The following C1orf146 variants were observed in gnomAD, a reference collection of about 807,000 sequenced individuals.
The protein encoded by C1orf146 is chromosome 1 open reading frame 146, also known as protein SPO16 homolog.
A neutral mutation model predicts 23.0 loss-of-function variants in C1orf146; 22 were observed. The observed-to-expected ratio is 0.96, with a 90% CI of 0.68 to 1.36. The LOEUF is 1.36. C1orf146 is among the 40% of genes most tolerant of loss of function. The pLI, the probability that C1orf146 is intolerant of heterozygous loss-of-function variation, is 0.00. For synonymous variants in C1orf146, 59 were observed against 65.3 expected (o/e 0.90, Z 0.47); for missense variants, 199 against 206.8 (o/e 0.96, Z 0.23).
chr1:92,220,292 A>G (rs2100723574), intron 1 of C1orf146, among the ~76,000 whole-genome samples: 1 of 152,302 alleles, frequency 6.6e-6, no homozygotes, highest in African/African-American at 2.4e-5. Context: ...AGGCCCTTTC[A>G]GCTAACAGAG....
At chr1:92,244,671 A>G (rs965409314) in intron 4 of C1orf146, 108 bp from the exon 5 acceptor site, 16 of 720,998 alleles carry the variant, frequency 2.2e-5, no homozygotes, top group African/African-American at 1.9e-4. Context: ...CAGGGCATGA[A>G]TGCATAGACA....
At chr1:92,242,444 A>ACG in intron 3 of C1orf146, 139 bp downstream of exon 3, 1 of 278,500 alleles carries the variant, frequency 3.6e-6, no homozygotes, top group South Asian at 7.7e-5. Flanking sequence ...ACTACTACAA[A>ACG]CAGTCCATAT....
At chr1:92,235,067 G>A (rs1240960550) in intron 2 of C1orf146, among the ~76,000 whole-genome samples, 3 of 152,034 alleles carry the variant, frequency 2.0e-5, no homozygotes, top group Non-Finnish European at 4.4e-5. Context: ...CCAGCTCCTG[G>A]ATTCATTAAT....
intron 1 of C1orf146, chr1:92,229,522 G>C: frequency 4.9e-6 from 2 of 411,794 alleles, no homozygotes; most frequent in Non-Finnish European, 9.5e-6. Flanking sequence ...TGATCCGGAA[G>C]TTTGGCTAAC....
chr1:92,242,159 A>C, intron 2 of C1orf146, 53 bp from the exon 3 acceptor site: 1 of 966,488 alleles, frequency 1.0e-6, no homozygotes, highest in Non-Finnish European at 1.6e-6. Context: ...CTTTAGCTTT[A>C]ATACAATTGT....
intron 1 of C1orf146, among the ~76,000 whole-genome samples, chr1:92,224,501 T>G (rs533012217): frequency 6.6e-6 from 1 of 152,348 alleles, no homozygotes; most frequent in African/African-American, 2.4e-5. Context: ...GTTTTATGTT[T>G]TACATGTAGG....
rs1023272184 is a variant in C1orf146 at position 92,242,582 on chromosome 1, C to T, written c.160+277C>T. Among the ~76,000 whole-genome samples the T allele has an allele frequency of 8.5e-5, 13 of 152,204 alleles. No homozygotes were observed. In the South Asian group the frequency reaches 1.2e-3, roughly 15 times the overall value. On this transcript the variant is annotated intron_variant, in intron 3 of 5. Transcript: ENST00000370375. ...ATGAAAATAGAAAAAGCCACTTTCC[C>T]AACAATCTATACTTACATTAAAGTA...
intron 1 of C1orf146, among the ~76,000 whole-genome samples, chr1:92,228,519 G>A (rs1046044293): frequency 6.6e-6 from 1 of 152,240 alleles, no homozygotes; most frequent in South Asian, 2.1e-4. Context: ...TTTGCTTCTG[G>A]CAGAGAGTTT....
At chr1:92,226,399 GCACACACACACACACATA>G (rs1553129887) in intron 1 of C1orf146, among the ~76,000 whole-genome samples, 1 of 146,220 alleles carries the variant, frequency 6.8e-6, no homozygotes, top group Non-Finnish European at 1.5e-5. Flanking sequence ...ATGCACGCAT[GCACACACACACACACATA>G]CACACACACA....
intron 3 of C1orf146, among the ~76,000 whole-genome samples, chr1:92,243,241 C>T (rs905088785): frequency 5.3e-5 from 8 of 152,030 alleles, no homozygotes; most frequent in African/African-American, 1.9e-4. Context: ...TCTCCCACAT[C>T]GTTTGAAGAG....
At chr1:92,238,331 C>A (rs1652346848) in intron 2 of C1orf146, among the ~76,000 whole-genome samples, 1 of 152,102 alleles carries the variant, frequency 6.6e-6, no homozygotes, top group African/African-American at 2.4e-5. Flanking sequence ...AAAAGTTAAA[C>A]AAGTGTTTTT....
At chr1:92,231,007 A>G (rs772234127) in intron 1 of C1orf146, among the ~76,000 whole-genome samples, 5 of 152,180 alleles carry the variant, frequency 3.3e-5, no homozygotes, top group Non-Finnish European at 2.9e-5. Flanking sequence ...CTGTGGCTAT[A>G]CTGCTATTGC....
intron 1 of C1orf146, among the ~76,000 whole-genome samples, chr1:92,219,494 TTC>T (rs886093347): frequency 2.7e-5 from 3 of 109,732 alleles, no homozygotes; most frequent in East Asian, 6.0e-4. Context: ...GACTTTCTCT[TTC>T]TTTTTTTTTT....
At chr1:92,242,917 C>A (rs1331261801) in intron 3 of C1orf146, among the ~76,000 whole-genome samples, 1 of 152,076 alleles carries the variant, frequency 6.6e-6, no homozygotes, top group African/African-American at 2.4e-5. Flanking sequence ...TGGAGGGTTG[C>A]AAATAGACTC....
intron 1 of C1orf146, among the ~76,000 whole-genome samples, chr1:92,221,770 A>G (rs1311642928): frequency 2.6e-5 from 4 of 152,172 alleles, no homozygotes; most frequent in East Asian, 1.9e-4. Flanking sequence ...CATAGCAGCA[A>G]TAGTAAGCAA....
chr1:92,243,097 A>T (rs570428233), intron 3 of C1orf146, among the ~76,000 whole-genome samples: 1 of 152,306 alleles, frequency 6.6e-6, no homozygotes, highest in South Asian at 2.1e-4. Flanking sequence ...ACGTGATCTA[A>T]TTTATCCTTC....
At position 92,244,520 on chromosome 1, in the gene C1orf146, G is replaced by A. The variant is rs949721348; in HGVS notation, c.329+135G>A. On this transcript the variant is annotated intron_variant, in intron 4 of 5. Coordinates refer to ENST00000370375, the MANE Select transcript of C1orf146 (RefSeq NM_001012425.2). ...ACCTATCAAATTTAATGAAACATGG[G>A]CCAAATAGCTATTCTATGAATCGAG... 5.4e-6 allele frequency: 4 copies of A among 735,696 alleles called. No homozygotes were observed. In the African/African-American group the frequency reaches 7.2e-5, roughly 13 times the overall value. 45.6% of individuals were successfully genotyped at this position (735,696 alleles called of 1,614,324 possible).
intron 1 of C1orf146, among the ~76,000 whole-genome samples, chr1:92,223,176 T>C (rs1045688407): frequency 6.6e-6 from 1 of 152,204 alleles, no homozygotes; most frequent in Admixed American, 6.5e-5. Flanking sequence ...GTAAATTACC[T>C]AGGAGTAAAA....
Position 92,242,215 on chromosome 1 carries a change from T to TA in C1orf146, c.71dup (p.Tyr24Ter), listed in dbSNP as rs1652448432. The change falls in exon 3 of 6, where the codon TAT becomes TAAT. Residue 24 changes from tyrosine to a stop codon, truncating the protein, a stop_gained and frameshift_variant. Transcript: ENST00000370375. LOFTEE classifies it high-confidence loss of function. Reference protein sequence around the residue: ...TIIISSSLKSYEVATALENRS... With the variant: ...TIIISSSLKS Reference sequence around the variant, plus strand: ...TTTCTGATATTTTTTAAAAAAGAGTTATGAAGTTGCAACTGCCCTAGAAAA... The same window carrying TA: ...TTTCTGATATTTTTTAAAAAAGAGTTAATGAAGTTGCAACTGCCCTAGAAAA... 6.4e-7 allele frequency: 1 copy of TA among 1,567,406 alleles called. No individual in the cohort carries two copies. The highest frequency in any genetic ancestry group is 8.7e-7 in the Non-Finnish European group (1 of 1,147,202).
Sources: gnomAD v4.1 joint callset for allele counts (sites outside exome capture counted in the v4.1 genomes callset) on GRCh38, gnomAD v4.1.1 for gene constraint, MANE v1.5 for transcripts, NCBI Gene and HGNC (gene_info 2026-07-23, HGNC 2026-07-21) for gene names.